The following ACACA variants were observed in gnomAD, a reference collection of about 807,000 sequenced individuals.
ACACA encodes the protein acetyl-CoA carboxylase alpha.
Under a neutral mutation model 296.1 loss-of-function variants are expected in ACACA, and 103 were observed. The ratio of observed to expected loss-of-function variants is 0.35; its 90% CI spans 0.30 to 0.41. The LOEUF is 0.41. ACACA is among the 10% of genes least tolerant of loss of function. The pLI is 1.00. For missense variants in ACACA, 1,554 were observed against 2,989.7 expected, an observed-to-expected ratio of 0.52 and a Z score of 11.20; for synonymous variants, 953 against 1,038.6, an observed-to-expected ratio of 0.92 and a Z score of 1.58.
intron 1 of ACACA, chr17:37,365,303 T>C (rs966595400): frequency 3.1e-6 from 1 of 322,898 alleles, no homozygotes; most frequent in African/African-American, 2.2e-5. Flanking sequence ...GTCTGCATAC[T>C]GGTTTTAGCT....
At chr17:37,210,394 T>C (rs758656850) in intron 30 of ACACA, 73 bp downstream of exon 30, 1 of 1,415,838 alleles carries the variant, frequency 7.1e-7, no homozygotes, top group East Asian at 2.3e-5. Context: ...TTGTGGTTTT[T>C]TTTTTCCTGG....
At chr17:37,129,726 C>T (rs2074999330) in intron 46 of ACACA, among the ~76,000 whole-genome samples, 1 of 152,112 alleles carries the variant, frequency 6.6e-6, no homozygotes, top group East Asian at 1.9e-4. Context: ...TTTCAGTGTG[C>T]CCATGCTTTC....
chr17:37,406,623 C>A lies in ACACA; in HGVS notation c.-324G>T. On this transcript the variant is annotated 5_prime_UTR_variant, in exon 1 of 56. Coordinates refer to ENST00000616317, the MANE Select transcript of ACACA (RefSeq NM_198834.3). Reference sequence around the variant, plus strand: ...CCGGAGGGGACCAAACAGCCCCACGCGCCAGGAAGCCTCAGGCAACGGGCC... The same window carrying A: ...CCGGAGGGGACCAAACAGCCCCACGAGCCAGGAAGCCTCAGGCAACGGGCC... 1 of 523,420 alleles carries A rather than the reference C, an allele frequency of 1.9e-6. No homozygotes were observed. Among genetic ancestry groups the A allele is most frequent in the Non-Finnish European group, 3.4e-6 (1 of 290,456 alleles). The allele number at this position is 523,420 out of a possible 1,614,324, so 32.4% of individuals were successfully genotyped here.
intron 29 of ACACA, among the ~76,000 whole-genome samples, chr17:37,213,424 T>C (rs936768233): frequency 1.3e-5 from 2 of 151,114 alleles, no homozygotes; most frequent in Non-Finnish European, 2.9e-5. Context: ...AATACATAAA[T>C]GGGACATAAA....
At chr17:37,297,707 C>T (rs892378796) in intron 3 of ACACA, among the ~76,000 whole-genome samples, 8 of 151,776 alleles carry the variant, frequency 5.3e-5, no homozygotes, top group Non-Finnish European at 1.0e-4. Context: ...CCTGCCACCA[C>T]GCCCAGCTAA....
intron 50 of ACACA, among the ~76,000 whole-genome samples, chr17:37,118,225 C>T (rs2074351270): frequency 1.3e-5 from 2 of 152,130 alleles, no homozygotes; most frequent in Non-Finnish European, 2.9e-5. Context: ...GTCTATATAT[C>T]AGGCCAAAAA....
chr17:37,270,854 T>C lies in ACACA; in HGVS notation c.1016A>G (p.Glu339Gly). Residue 339 changes from glutamate (E) to glycine (G), a missense_variant, in exon 10 of 56, where the codon GAG (glutamate) becomes GGG (glycine). Around this residue, in one of 16 missense-constraint regions of ACACA, gnomAD observed 82 missense variants for 185.2 expected, o/e 0.44. Transcript: ENST00000616317. ...GATCATTACTGGATATCCAACTTCC[T>C]CAGCTGCCTTCAAAAAGAAAGAAAA... is the stretch of plus-strand genomic sequence containing the variant. ...KDVDDGLQAA[E>G]EVGYPVMIKA... 6.2e-7 allele frequency: 1 copy of C among 1,612,294 alleles called. No homozygotes were observed. Among genetic ancestry groups the C allele is most frequent in the South Asian group, 1.1e-5 (1 of 90,944 alleles).
chr17:37,317,740 A>G (rs988677787), intron 3 of ACACA, among the ~76,000 whole-genome samples: 2 of 152,216 alleles, frequency 1.3e-5, no homozygotes, highest in African/African-American at 4.8e-5. Context: ...AACACTGTCA[A>G]GCAGCTGTAC....
chr17:37,299,776 A>C, intron 3 of ACACA: 1 of 997,152 alleles, frequency 1.0e-6, no homozygotes, highest in Non-Finnish European at 1.2e-6. Flanking sequence ...CCAGGAGCAC[A>C]TGACAGGGAA....
At chr17:37,098,680 C>G (rs2073139246) in intron 52 of ACACA, among the ~76,000 whole-genome samples, 1 of 152,244 alleles carries the variant, frequency 6.6e-6, no homozygotes, top group South Asian at 2.1e-4. Context: ...GAGCCAGTCC[C>G]TGACCAGACA....
chr17:37,135,402 G>A (rs1432999540), intron 45 of ACACA, among the ~76,000 whole-genome samples: 1 of 152,224 alleles, frequency 6.6e-6, no homozygotes, highest in East Asian at 1.9e-4. Flanking sequence ...GGGTAGAGAA[G>A]GGGCTCGGTG....
intron 1 of ACACA, among the ~76,000 whole-genome samples, chr17:37,395,786 G>A (rs1324009240): frequency 1.3e-5 from 2 of 152,058 alleles, no homozygotes; most frequent in African/African-American, 4.8e-5. Context: ...CAGGTGATCT[G>A]CCCATCTTGG....
At chr17:37,234,943 G>A (rs754669102) in intron 25 of ACACA, 32 bp downstream of exon 25, 20 of 1,612,542 alleles carry the variant, frequency 1.2e-5, no homozygotes, top group Middle Eastern at 1.6e-4. Flanking sequence ...TATCATTGAC[G>A]GTCTTTACAA....
intron 2 of ACACA, among the ~76,000 whole-genome samples, chr17:37,336,441 C>G (rs1019607660): frequency 2.6e-5 from 4 of 152,178 alleles, no homozygotes; most frequent in Non-Finnish European, 1.5e-5. Context: ...CCTTTAAACA[C>G]CGGGCTTGCA....
chr17:37,274,643 C>T, intron 8 of ACACA: 1 of 985,402 alleles, frequency 1.0e-6, no homozygotes, highest in South Asian at 4.7e-5. Flanking sequence ...GTGTTCAGGC[C>T]TGCTCCAGGG....
chr17:37,107,120 A>C (rs1479299470), intron 52 of ACACA, among the ~76,000 whole-genome samples: 1 of 152,220 alleles, frequency 6.6e-6, no homozygotes, highest in Non-Finnish European at 1.5e-5. Flanking sequence ...CAAAGGACAC[A>C]GTGGCCATAG....
chr17:37,194,313 T>C (rs1238368626), intron 35 of ACACA, among the ~76,000 whole-genome samples: 3 of 152,230 alleles, frequency 2.0e-5, no homozygotes, highest in East Asian at 3.9e-4. Flanking sequence ...ACATCCTCAA[T>C]GAGCTTTAGG....
intron 31 of ACACA, among the ~76,000 whole-genome samples, chr17:37,207,356 G>A (rs561589947): frequency 1.2e-3 from 182 of 152,258 alleles, no homozygotes; most frequent in African/African-American, 4.2e-3. Context: ...AATTTCTCCT[G>A]ACATTTCACT....
Position 37,345,649 on chromosome 17 carries a change from G to A in ACACA, c.39-5799C>T, listed in dbSNP as rs570494529. 3.9e-5 allele frequency among the ~76,000 whole-genome samples: 6 copies of A among 152,252 alleles called. No individual in the cohort carries two copies. In the East Asian group the frequency reaches 5.8e-4, roughly 15 times the overall value. Reference sequence around the variant, plus strand: ...GAAACCATTAAAAACTACAGGGGTCGAGGGGAGGGGAAAGCAACTTCACCT... The same window carrying A: ...GAAACCATTAAAAACTACAGGGGTCAAGGGGAGGGGAAAGCAACTTCACCT... On this transcript the variant is annotated intron_variant, in intron 1 of 55. Coordinates refer to ENST00000616317, the MANE Select transcript of ACACA (RefSeq NM_198834.3).
Sources: allele counts gnomAD v4.1 joint callset (sites outside exome capture counted in the v4.1 genomes callset), GRCh38; gene constraint gnomAD v4.1.1; regional missense constraint gnomAD v4.1.1; transcripts MANE v1.5; gene names NCBI Gene and HGNC (gene_info 2026-07-23, HGNC 2026-07-21).